Variants in BRD10 observed in about 807,000 individuals in gnomAD.
BRD10 encodes the protein uncharacterized bromodomain-containing protein 10.
the BRD10 span, among the ~76,000 whole-genome samples, chr9:5,986,299 G>A: frequency 1.4e-3 from 212 of 152,280 alleles, no homozygotes; most frequent in African/African-American, 4.9e-3. Context: ...CAAATGACAT[G>A]ATCTAATTCC....
the BRD10 span, among the ~76,000 whole-genome samples, chr9:5,989,168 G>A: frequency 6.9e-6 from 1 of 145,422 alleles, no homozygotes; most frequent in South Asian, 2.2e-4. Flanking sequence ...GGAGGCAGAG[G>A]TTGTGGTGAG....
At chr9:6,007,221 C>T in the BRD10 span, 1 of 1,613,650 alleles carries the variant, frequency 6.2e-7, no homozygotes. Context: ...ACTTCTGCTC[C>T]AGCATCATCT....
the BRD10 span, among the ~76,000 whole-genome samples, chr9:5,930,730 C>T: frequency 1.2e-3 from 183 of 152,234 alleles, 2 homozygotes; most frequent in African/African-American, 4.3e-3. Flanking sequence ...AGATAGGCCT[C>T]TTTCTTGTTA....
At chr9:5,928,932 T>C in the BRD10 span, 3 of 573,898 alleles carry the variant, frequency 5.2e-6, no homozygotes, top group African/African-American at 3.8e-5. Context: ...GTCAAAAATA[T>C]CTGCCGAATT....
the BRD10 span, among the ~76,000 whole-genome samples, chr9:5,914,524 C>T: frequency 2.7e-5 from 4 of 148,946 alleles, no homozygotes; most frequent in East Asian, 4.0e-4. Context: ...CCCGGGTTCA[C>T]GCCATTCTCC....
At chr9:5,930,885 G>C in the BRD10 span, among the ~76,000 whole-genome samples, 1 of 152,234 alleles carries the variant, frequency 6.6e-6, no homozygotes, top group Admixed American at 6.5e-5. Flanking sequence ...AATTGAACAG[G>C]AAGTAACTTT....
At chr9:6,007,344 G>C in the BRD10 span, 1 of 1,613,424 alleles carries the variant, frequency 6.2e-7, no homozygotes, top group Non-Finnish European at 8.5e-7. Flanking sequence ...CGTACTGGCC[G>C]CTGGCGAACT....
At chr9:5,891,068 C>G in the BRD10 span, 2 of 152,166 alleles carry the variant, frequency 1.3e-5, no homozygotes, top group Non-Finnish European at 2.9e-5. Flanking sequence ...TTCTCCGCAA[C>G]GTTTGTCAGT....
chr9:5,954,915 C>A, the BRD10 span, among the ~76,000 whole-genome samples: 1 of 151,986 alleles, frequency 6.6e-6, no homozygotes, highest in Admixed American at 6.6e-5. Flanking sequence ...GGGCGAAACC[C>A]CGTCTCTACT....
At chr9:6,008,461 G>A in the BRD10 span, among the ~76,000 whole-genome samples, 1 of 151,476 alleles carries the variant, frequency 6.6e-6, no homozygotes, top group African/African-American at 2.4e-5. Flanking sequence ...AGGCCCTGTC[G>A]CCATCCCCGG....
At chr9:5,945,967 T>C in the BRD10 span, among the ~76,000 whole-genome samples, 1 of 152,216 alleles carries the variant, frequency 6.6e-6, no homozygotes, top group East Asian at 1.9e-4. Flanking sequence ...CCAAGTTCGA[T>C]ACATTCATTA....
At chr9:5,964,140 T>A in the BRD10 span, among the ~76,000 whole-genome samples, 1 of 150,908 alleles carries the variant, frequency 6.6e-6, no homozygotes, top group Non-Finnish European at 1.5e-5. Flanking sequence ...GGGAGAAAAT[T>A]TTCGCAACCT....
chr9:5,992,464 T>C, the BRD10 span, among the ~76,000 whole-genome samples: 1 of 152,154 alleles, frequency 6.6e-6, no homozygotes, highest in Non-Finnish European at 1.5e-5. Flanking sequence ...AAAAATAAAT[T>C]TACCTTTCAA....
At chr9:5,931,233 C>T in the BRD10 span, among the ~76,000 whole-genome samples, 1 of 152,126 alleles carries the variant, frequency 6.6e-6, no homozygotes, top group Non-Finnish European at 1.5e-5. Context: ...TGCAGAAGGA[C>T]TAGCAGTATT....
the BRD10 span, among the ~76,000 whole-genome samples, chr9:5,999,690 C>A: frequency 4.6e-5 from 7 of 152,274 alleles, no homozygotes; most frequent in African/African-American, 1.7e-4. Context: ...ACTGGCCATT[C>A]CCTAGCTACA....
chr9:5,968,216 T>G, the BRD10 span: 2 of 1,613,068 alleles, frequency 1.2e-6, no homozygotes, highest in East Asian at 4.5e-5. Flanking sequence ...GAGTTTCTTG[T>G]GGCTCTGTAG....
At chr9:5,962,681 C>G in the BRD10 span, among the ~76,000 whole-genome samples, 5 of 83,570 alleles carry the variant, frequency 6.0e-5, no homozygotes, top group African/African-American at 2.3e-4. Flanking sequence ...CAAAACGAAT[C>G]CAGCAGCACA....
At chr9:6,008,388 G>A in the BRD10 span, 13 of 765,946 alleles carry the variant, frequency 1.7e-5, no homozygotes, top group Non-Finnish European at 2.1e-5. Flanking sequence ...GAGGGGCAGG[G>A]AGAGAAGGGG....
the BRD10 span, chr9:5,921,777 G>A: frequency 3.1e-6 from 5 of 1,613,974 alleles, no homozygotes; most frequent in Non-Finnish European, 4.2e-6. Flanking sequence ...GTTGATGGTA[G>A]TAGAGTACTA....
Sources: allele counts gnomAD v4.1 joint callset (sites outside exome capture counted in the v4.1 genomes callset), GRCh38; gene constraint gnomAD v4.1.1; transcripts MANE v1.5; gene names NCBI Gene and HGNC (gene_info 2026-07-23, HGNC 2026-07-21).